The following SAMHD1 variants were observed in gnomAD, a reference collection of about 807,000 sequenced individuals.
The protein encoded by SAMHD1 is deoxynucleoside triphosphate triphosphohydrolase SAMHD1.
SAMHD1 carries 54 observed loss-of-function variants against 79.6 expected under a neutral mutation model. That is an observed-to-expected ratio of 0.68 (90% CI 0.55 to 0.85). SAMHD1 has a LOEUF of 0.85. SAMHD1 is among the 40% of genes least tolerant of loss of function. The pLI is 0.00. For synonymous variants in SAMHD1, 260 were observed against 264.1 expected (o/e 0.98, Z 0.15); for missense variants, 663 against 782.7 (o/e 0.85, Z 1.82).
At chr20:36,948,291 C>T (rs181107758) in intron 1 of SAMHD1, among the ~76,000 whole-genome samples, 54 of 151,502 alleles carry the variant, frequency 3.6e-4, no homozygotes, top group Middle Eastern at 3.4e-3. Flanking sequence ...CTCACTCGGT[C>T]GCCCAGGCTG....
At chr20:36,944,714 G>A (rs997872137) in intron 2 of SAMHD1, among the ~76,000 whole-genome samples, 1 of 152,020 alleles carries the variant, frequency 6.6e-6, no homozygotes, top group African/African-American at 2.4e-5. Flanking sequence ...GACTAACATG[G>A]AGAAACCCCG....
intron 7 of SAMHD1, among the ~76,000 whole-genome samples, chr20:36,918,521 G>A (rs1283865976): frequency 2.0e-5 from 3 of 151,846 alleles, no homozygotes; most frequent in East Asian, 3.9e-4. Flanking sequence ...ATTTATGGCC[G>A]GGCGCGGTGG....
Position 36,898,060 on chromosome 20 carries a change from A to C in SAMHD1, c.1609-101T>G. 8 of 1,432,646 alleles carry C rather than the reference A, an allele frequency of 5.6e-6. No homozygotes were observed. In the South Asian group the frequency reaches 9.2e-5, roughly 16 times the overall value. 88.7% of individuals were successfully genotyped at this position (1,432,646 alleles called of 1,614,324 possible). On this transcript the variant is annotated intron_variant, in intron 14 of 15. Transcript: ENST00000646673. ...ACTATTCCTTTTTTTTTGAGACAAG[A>C]TCTCCCTGTCACCCAGGCTGGAGTG...
intron 2 of SAMHD1, among the ~76,000 whole-genome samples, chr20:36,945,967 CAT>C (rs1433928127): frequency 6.6e-6 from 1 of 151,198 alleles, no homozygotes; most frequent in Admixed American, 6.6e-5. Context: ...TAATAGCAAA[CAT>C]AGGATTTGTA....
At chr20:36,943,815 C>T (rs538709685) in intron 2 of SAMHD1, among the ~76,000 whole-genome samples, 4 of 152,128 alleles carry the variant, frequency 2.6e-5, no homozygotes, top group Non-Finnish European at 4.4e-5. Flanking sequence ...GACAGTGGCT[C>T]ACGCCTGTAA....
chr20:36,895,070 C>T (rs1990173409), intron 15 of SAMHD1, among the ~76,000 whole-genome samples: 1 of 151,992 alleles, frequency 6.6e-6, no homozygotes, highest in Non-Finnish European at 1.5e-5. Context: ...ACTCATTCTA[C>T]TTTCAGTTCT....
intron 1 of SAMHD1, among the ~76,000 whole-genome samples, chr20:36,948,073 G>A (rs1219658800): frequency 2.0e-5 from 3 of 152,114 alleles, no homozygotes; most frequent in African/African-American, 7.2e-5. Flanking sequence ...TTGTAGTGGT[G>A]TGATCTCTGA....
At position 36,951,593 on chromosome 20, in the gene SAMHD1, G is replaced by A. The variant is rs1299883603; in HGVS notation, c.51C>T (p.Asp17=). ...EQPSKRPRCD[D]SPRTPSNTPS... ...GGGTGTTTGAGGGGGTTCTCGGGCT[G>A]TCATCGCAACGGGGACGCTTGGAGG... The change falls in exon 1 of 16, where the codon GAC becomes GAT. Residue 17 remains aspartate (D), a synonymous_variant. Transcript: ENST00000646673. The A allele has an allele frequency of 6.2e-7, 1 of 1,614,076 alleles. No individual in the cohort carries two copies. The highest frequency in any genetic ancestry group is 8.5e-7 in the Non-Finnish European group (1 of 1,180,014).
chr20:36,947,950 G>A (rs190036483), intron 1 of SAMHD1, among the ~76,000 whole-genome samples: 25 of 152,190 alleles, frequency 1.6e-4, no homozygotes, highest in African/African-American at 6.0e-4. Flanking sequence ...GGGATTATAG[G>A]TATGAGCCAC....
intron 9 of SAMHD1, 83 bp downstream of exon 9, chr20:36,916,639 T>C (rs2063477566): frequency 1.0e-6 from 1 of 959,744 alleles, no homozygotes; most frequent in African/African-American, 1.6e-5. Context: ...GATTTACCAA[T>C]TATTCCAAAT....
At chr20:36,917,645 C>T (rs956190472) in intron 7 of SAMHD1, among the ~76,000 whole-genome samples, 8 of 151,858 alleles carry the variant, frequency 5.3e-5, no homozygotes, top group African/African-American at 9.7e-5. Context: ...AGCAAGACAC[C>T]GTCTCAAAAA....
chr20:36,904,324 T>A, intron 12 of SAMHD1, 75 bp from the exon 13 acceptor site: 5 of 983,590 alleles, frequency 5.1e-6, no homozygotes, highest in Non-Finnish European at 8.3e-6. Context: ...GTTCTCTTTA[T>A]GAAAATGGCA....
chr20:36,928,349 A>C (rs1294980067), intron 5 of SAMHD1, among the ~76,000 whole-genome samples: 1 of 151,486 alleles, frequency 6.6e-6, no homozygotes, highest in African/African-American at 2.4e-5. Flanking sequence ...AGATCACACC[A>C]CTACACCCCA....
rs141126830 is a variant in SAMHD1, at chr20:36,942,320, A to T, written c.276-1209T>A. On this transcript the variant is annotated intron_variant, in intron 2 of 15. Transcript: ENST00000646673. ...GTAATCCCAGCTACTCGGGAGGCTG[A>T]GGCAGGAGAATTGCTTGAACCCGGG... Among the ~76,000 whole-genome samples the T allele has an allele frequency of 4.4e-3, 665 of 152,254 alleles. 11 individuals are homozygous for T. Among genetic ancestry groups the T allele is most frequent in the East Asian group, 0.027 (139 of 5,150 alleles).
chr20:36,893,524 C>T (rs56363193), intron 15 of SAMHD1: 1 of 263,476 alleles, frequency 3.8e-6, no homozygotes, highest in Non-Finnish European at 7.1e-6. Context: ...TTCTCTGCAT[C>T]AAAGCTCTAA....
intron 2 of SAMHD1, among the ~76,000 whole-genome samples, chr20:36,945,968 A>G (rs1044126972): frequency 6.6e-6 from 1 of 151,836 alleles, no homozygotes; most frequent in East Asian, 1.9e-4. Flanking sequence ...AATAGCAAAC[A>G]TAGGATTTGT....
chr20:36,922,387 C>T (rs1401381574), intron 6 of SAMHD1, among the ~76,000 whole-genome samples: 1 of 152,136 alleles, frequency 6.6e-6, no homozygotes, highest in Admixed American at 6.6e-5. Flanking sequence ...AGTATTTCAA[C>T]AATTTACATT....
At chr20:36,934,540 A>T (rs1463530124) in intron 4 of SAMHD1, 1 of 152,546 alleles carries the variant, frequency 6.6e-6, no homozygotes. Context: ...AAAAAAAAAA[A>T]AAAAGCCTCA....
intron 13 of SAMHD1, among the ~76,000 whole-genome samples, chr20:36,899,871 G>A (rs746465556): frequency 1.2e-4 from 18 of 152,238 alleles, no homozygotes; most frequent in African/African-American, 3.6e-4. Flanking sequence ...CGAAGCCAGC[G>A]GATCACGAGG....
Sources: allele counts gnomAD v4.1 joint callset (sites outside exome capture counted in the v4.1 genomes callset), GRCh38; gene constraint gnomAD v4.1.1; transcripts MANE v1.5; gene names NCBI Gene and HGNC (gene_info 2026-07-23, HGNC 2026-07-21).